Variants in KCNQ5 observed in about 807,000 individuals in gnomAD.
The protein encoded by KCNQ5 is potassium voltage-gated channel subfamily KQT member 5.
In KCNQ5, 30 loss-of-function variants were observed where a neutral mutation model predicts 98.2. The ratio of observed to expected loss-of-function variants is 0.31; its 90% CI spans 0.23 to 0.41. The LOEUF is 0.41. KCNQ5 is among the 10% of genes least tolerant of loss of function. KCNQ5 has a pLI of 1.00. For synonymous variants in KCNQ5, 458 were observed against 449.4 expected, an observed-to-expected ratio of 1.02 and a Z score of -0.24; for missense variants, 835 against 1,182.5, an observed-to-expected ratio of 0.71 and a Z score of 4.31.
At chr6:73,149,832 G>GAGGA (rs571571935) in intron 10 of KCNQ5, among the ~76,000 whole-genome samples, 9,683 of 141,064 alleles carry the variant, frequency 0.069, 402 homozygotes, top group East Asian at 0.17. Context: ...GAGAGGGAGG[G>GAGGA]AGGAAGGAAG....
intron 1 of KCNQ5, among the ~76,000 whole-genome samples, chr6:72,971,030 A>G (rs1208675858): frequency 1.3e-5 from 2 of 152,262 alleles, no homozygotes; most frequent in African/African-American, 2.4e-5. Flanking sequence ...GCTTCTGCAC[A>G]GCAAAAGAAA....
intron 1 of KCNQ5, among the ~76,000 whole-genome samples, chr6:72,642,153 A>G (rs903201088): frequency 6.7e-6 from 1 of 149,166 alleles, no homozygotes; most frequent in Non-Finnish European, 1.5e-5. Flanking sequence ...GCTTGGCCCT[A>G]CTAGATAAAG....
intron 1 of KCNQ5, among the ~76,000 whole-genome samples, chr6:72,711,253 C>T (rs540164706): frequency 8.6e-5 from 13 of 151,912 alleles, no homozygotes; most frequent in Admixed American, 2.0e-4. Flanking sequence ...ATTTACAAAC[C>T]AAGCAGAGAG....
intron 1 of KCNQ5, among the ~76,000 whole-genome samples, chr6:72,926,452 T>C (rs1426339499): frequency 6.6e-6 from 1 of 152,178 alleles, no homozygotes; most frequent in Non-Finnish European, 1.5e-5. Flanking sequence ...TTTTTAACTA[T>C]GATCATTATT....
At chr6:72,707,776 C>G (rs1477444174) in intron 1 of KCNQ5, among the ~76,000 whole-genome samples, 3 of 152,162 alleles carry the variant, frequency 2.0e-5, no homozygotes, top group Non-Finnish European at 2.9e-5. Context: ...TGCAGTGGTG[C>G]AATCATAGCT....
intron 1 of KCNQ5, among the ~76,000 whole-genome samples, chr6:72,784,690 C>G (rs1461765877): frequency 6.6e-6 from 1 of 152,158 alleles, no homozygotes; most frequent in African/African-American, 2.4e-5. Flanking sequence ...GCATTCCAGT[C>G]AAGTGGCAAA....
In KCNQ5 at chr6:73,143,762, T is replaced by G. The variant is rs553520120; in HGVS notation, c.1468+10121T>G. ...AAGAACTTACTGTTTGTCTGTAAGTTTTACCACCCCAGCCCACCTCAGTTA... is the reference window on the plus strand; with the variant it reads ...AAGAACTTACTGTTTGTCTGTAAGTGTTACCACCCCAGCCCACCTCAGTTA... On this transcript the variant is annotated intron_variant, in intron 10 of 13. Coordinates refer to ENST00000370398, the MANE Select transcript of KCNQ5 (RefSeq NM_019842.4). Among the ~76,000 whole-genome samples the G allele has an allele frequency of 7.2e-5, 11 of 152,272 alleles. No individual in the cohort carries two copies. In the East Asian group the frequency reaches 1.9e-3, roughly 27 times the overall value.
At chr6:73,132,929 G>A (rs543173659) in intron 9 of KCNQ5, among the ~76,000 whole-genome samples, 48 of 152,252 alleles carry the variant, frequency 3.2e-4, no homozygotes, top group African/African-American at 1.1e-3. Flanking sequence ...TGAATTTATG[G>A]ATAACATAAT....
At chr6:73,062,475 C>A (rs563690164) in intron 3 of KCNQ5, among the ~76,000 whole-genome samples, 16 of 152,210 alleles carry the variant, frequency 1.1e-4, no homozygotes, top group Admixed American at 7.2e-4. Flanking sequence ...GAGAAAACTG[C>A]AAGCTAGTAA....
chr6:72,814,986 A>G (rs900788503), intron 1 of KCNQ5, among the ~76,000 whole-genome samples: 3 of 152,232 alleles, frequency 2.0e-5, no homozygotes, highest in Non-Finnish European at 4.4e-5. Context: ...TCAGAAAACA[A>G]TGAGCAAATA....
chr6:73,011,709 G>A (rs1770068718), intron 2 of KCNQ5, among the ~76,000 whole-genome samples: 1 of 151,974 alleles, frequency 6.6e-6, no homozygotes, highest in Non-Finnish European at 1.5e-5. Context: ...GAAAATATCT[G>A]CAAATAACAT....
At chr6:72,811,615 G>A (rs1366732574) in intron 1 of KCNQ5, among the ~76,000 whole-genome samples, 1 of 152,146 alleles carries the variant, frequency 6.6e-6, no homozygotes, top group Non-Finnish European at 1.5e-5. Context: ...CACAGTAACA[G>A]CATGTGTCAC....
intron 1 of KCNQ5, among the ~76,000 whole-genome samples, chr6:72,897,138 A>G (rs147111518): frequency 6.6e-6 from 1 of 152,284 alleles, no homozygotes; most frequent in East Asian, 1.9e-4. Flanking sequence ...AGAAGGAGAA[A>G]GAAGGTAAAA....
chr6:72,980,466 G>A (rs1467953043), intron 1 of KCNQ5, among the ~76,000 whole-genome samples: 1 of 151,966 alleles, frequency 6.6e-6, no homozygotes, highest in Non-Finnish European at 1.5e-5. Flanking sequence ...CTCATGATTT[G>A]GCTCTGTTTG....
chr6:72,917,432 C>A (rs988341413), intron 1 of KCNQ5, among the ~76,000 whole-genome samples: 1 of 151,296 alleles, frequency 6.6e-6, no homozygotes, highest in Admixed American at 6.6e-5. Flanking sequence ...TTAGGAGCCC[C>A]CCCACCATTT....
At chr6:72,628,057 A>G (rs1363600728) in intron 1 of KCNQ5, among the ~76,000 whole-genome samples, 2 of 152,198 alleles carry the variant, frequency 1.3e-5, no homozygotes, top group Non-Finnish European at 2.9e-5. Context: ...GCAAGCTTCC[A>G]TACAGTGAAA....
At chr6:72,653,250 T>C (rs1448567226) in intron 1 of KCNQ5, among the ~76,000 whole-genome samples, 1 of 151,952 alleles carries the variant, frequency 6.6e-6, no homozygotes, top group Non-Finnish European at 1.5e-5. Flanking sequence ...TGCCATTTAC[T>C]GCTTGTCTTA....
intron 10 of KCNQ5, among the ~76,000 whole-genome samples, chr6:73,167,464 C>T (rs1777849026): frequency 6.6e-6 from 1 of 152,224 alleles, no homozygotes; most frequent in Non-Finnish European, 1.5e-5. Flanking sequence ...CTGCAACTTA[C>T]TAGCTCCGCT....
At chr6:72,918,590 C>A (rs1200111119) in intron 1 of KCNQ5, among the ~76,000 whole-genome samples, 1 of 151,874 alleles carries the variant, frequency 6.6e-6, no homozygotes, top group East Asian at 1.9e-4. Context: ...CAGAAAAGTT[C>A]CTAATTAGAA....
Sources: allele counts gnomAD v4.1 joint callset (sites outside exome capture counted in the v4.1 genomes callset), GRCh38; gene constraint gnomAD v4.1.1; transcripts MANE v1.5; gene names NCBI Gene and HGNC (gene_info 2026-07-23, HGNC 2026-07-21).